Variants in BTG4 observed in about 807,000 individuals in gnomAD.
BTG4 encodes the protein BTG anti-proliferation factor 4.
In BTG4, 10 loss-of-function variants were observed where a neutral mutation model predicts 19.3. The observed-to-expected ratio is 0.52, with a 90% confidence interval of 0.32 to 0.88. The LOEUF is 0.88. Among genes scored for constraint, BTG4 ranks in the 40% least tolerant of loss-of-function variants. The pLI, the probability that BTG4 is intolerant of heterozygous loss-of-function variation, is 0.04. For missense variants in BTG4, 238 were observed against 281.9 expected, an observed-to-expected ratio of 0.84 and a Z score of 1.11; for synonymous variants, 91 against 95.7, an observed-to-expected ratio of 0.95 and a Z score of 0.29.
At chr11:111,491,427 TA>T (rs773832955), downstream of BTG4, among the ~76,000 whole-genome samples, 3 of 152,166 alleles carry the variant, frequency 2.0e-5, no homozygotes, top group African/African-American at 7.2e-5. Context: ...CATGTGAATT[TA>T]TAATTACCTC....
chr11:111,494,098 G>T (rs1865578189), downstream of BTG4, among the ~76,000 whole-genome samples: 5 of 152,214 alleles, frequency 3.3e-5, no homozygotes, highest in Admixed American at 3.3e-4. Flanking sequence ...GTAGGGAGAA[G>T]ATACAAGCGG....
chr11:111,399,639 C>T, the BTG4 span, among the ~76,000 whole-genome samples: 1 of 152,144 alleles, frequency 6.6e-6, no homozygotes, highest in Non-Finnish European at 1.5e-5. Flanking sequence ...TTGCTTAGTC[C>T]CTCCACAGTT....
chr11:111,459,371 A>T, the BTG4 span, among the ~76,000 whole-genome samples: 1 of 152,202 alleles, frequency 6.6e-6, no homozygotes, highest in South Asian at 2.1e-4. Context: ...TTCTTTTAGA[A>T]GTTGTTCTCA....
chr11:111,490,671 T>C (rs1187322683), downstream of BTG4, among the ~76,000 whole-genome samples: 1 of 152,100 alleles, frequency 6.6e-6, no homozygotes, highest in Non-Finnish European at 1.5e-5. Context: ...ATGTTCAACA[T>C]CACTAGCCAT....
the BTG4 span, chr11:111,451,533 A>G: frequency 2.7e-6 from 1 of 364,952 alleles, no homozygotes; most frequent in Non-Finnish European, 6.0e-6. Flanking sequence ...TGGGAGGCCA[A>G]GGAGGGCAGA....
At chr11:111,388,350 AT>A in the BTG4 span, among the ~76,000 whole-genome samples, 1 of 149,090 alleles carries the variant, frequency 6.7e-6, no homozygotes, top group South Asian at 2.1e-4. Flanking sequence ...TTTTTTTTTA[AT>A]TTCATGTGAC....
In BTG4 at chr11:111,494,998, A is replaced by G. The variant is rs1206067358; in HGVS notation, c.*137T>C. On this transcript the variant is annotated 3_prime_UTR_variant, in exon 5 of 5. Coordinates refer to ENST00000692032, the MANE Select transcript of BTG4 (RefSeq NM_001367975.1). Reference sequence around the variant, plus strand: ...GAACAGTGATGATCTGTATGAGAGGATTTACCATTGTGTACCCTAGTCCCT... The same window carrying G: ...GAACAGTGATGATCTGTATGAGAGGGTTTACCATTGTGTACCCTAGTCCCT... 2 of 985,254 alleles carry G rather than the reference A, an allele frequency of 2.0e-6. No individual in the cohort carries two copies. Among genetic ancestry groups the G allele is most frequent in the Non-Finnish European group, 2.4e-6 (2 of 829,930 alleles). 61.0% of individuals were successfully genotyped at this position (985,254 alleles called of 1,614,324 possible). A position where few individuals can be genotyped will look rare whatever the true frequency, so the allele number is the denominator to read the frequency against.
chr11:111,408,204 T>TGG, the BTG4 span, among the ~76,000 whole-genome samples: 1 of 152,224 alleles, frequency 6.6e-6, no homozygotes, highest in Admixed American at 6.5e-5. Context: ...CCACACTTGA[T>TGG]GGGGCAGGAG....
At chr11:111,470,994 T>A (rs1473487803) in intron 5 of BTG4, among the ~76,000 whole-genome samples, 2 of 152,174 alleles carry the variant, frequency 1.3e-5, no homozygotes, top group East Asian at 1.9e-4. Flanking sequence ...ATAAAAATCA[T>A]AAAATTTAAG....
chr11:111,423,292 C>T, the BTG4 span, among the ~76,000 whole-genome samples: 1 of 152,224 alleles, frequency 6.6e-6, no homozygotes, highest in Non-Finnish European at 1.5e-5. Flanking sequence ...CATCTTCCAA[C>T]TCTCCCCCAA....
chr11:111,458,616 CA>C, the BTG4 span, among the ~76,000 whole-genome samples: 1 of 152,128 alleles, frequency 6.6e-6, no homozygotes, highest in Non-Finnish European at 1.5e-5. Flanking sequence ...CCTGAGTCCT[CA>C]ATCCCTTCTC....
chr11:111,453,245 AG>A, the BTG4 span, among the ~76,000 whole-genome samples: 2 of 152,226 alleles, frequency 1.3e-5, no homozygotes, highest in African/African-American at 2.4e-5. Context: ...GATGGATCAG[AG>A]GGGGAAAAAC....
upstream of BTG4, chr11:111,514,421 T>G: frequency 3.5e-6 from 1 of 287,436 alleles, no homozygotes; most frequent in Non-Finnish European, 6.8e-6. Flanking sequence ...GAAGTGGGGA[T>G]TGGGGCAATG....
At chr11:111,413,362 CTCAGGT>C in the BTG4 span, among the ~76,000 whole-genome samples, 3 of 152,242 alleles carry the variant, frequency 2.0e-5, no homozygotes, top group Non-Finnish European at 4.4e-5. Flanking sequence ...TCACAAGCTC[CTCAGGT>C]GATCGGAATG....
chr11:111,497,443 C>A, intron 3 of BTG4, 34 bp from the exon 4 acceptor site: 3 of 1,297,848 alleles, frequency 2.3e-6, no homozygotes, highest in Non-Finnish European at 2.0e-6. Flanking sequence ...TGCTAATTAG[C>A]GATTCAACTT....
At chr11:111,494,417 T>C (rs1458674188), downstream of BTG4, among the ~76,000 whole-genome samples, 1 of 152,228 alleles carries the variant, frequency 6.6e-6, no homozygotes, top group African/African-American at 2.4e-5. Context: ...GCTAATAAAG[T>C]GAAGCTGGAT....
chr11:111,402,724 C>A, the BTG4 span, among the ~76,000 whole-genome samples: 1 of 152,206 alleles, frequency 6.6e-6, no homozygotes, highest in South Asian at 2.1e-4. Flanking sequence ...AGCCTCAAGG[C>A]AAGCTGGCAT....
chr11:111,418,564 G>C, the BTG4 span, among the ~76,000 whole-genome samples: 140,187 of 152,240 alleles, frequency 0.92, 64,886 homozygotes, highest in East Asian at 1. Context: ...CGGGACCAAC[G>C]ATGCTGGGTG....
the BTG4 span, among the ~76,000 whole-genome samples, chr11:111,460,534 T>C: frequency 1.3e-5 from 2 of 150,422 alleles, no homozygotes; most frequent in Non-Finnish European, 2.9e-5. Flanking sequence ...CAGTGGGTGG[T>C]TCACAAGGGT....
Sources: allele counts gnomAD v4.1 joint callset (sites outside exome capture counted in the v4.1 genomes callset), GRCh38; gene constraint gnomAD v4.1.1; transcripts MANE v1.5; gene names NCBI Gene and HGNC (gene_info 2026-07-23, HGNC 2026-07-21).